Variants in CDC23 observed in about 807,000 individuals in gnomAD.
The protein encoded by CDC23 is cell division cycle 23.
Under a neutral mutation model 81.7 loss-of-function variants are expected in CDC23, and 26 were observed. The ratio of observed to expected loss-of-function variants is 0.32; its 90% confidence interval spans 0.23 to 0.44. The LOEUF (loss-of-function observed/expected upper bound fraction) is 0.44. Ranked by LOEUF, CDC23 falls within the 20% of genes least tolerant of loss-of-function variation. CDC23 has a pLI of 1.00. For missense variants in CDC23, 519 were observed against 728.0 expected, an observed-to-expected ratio of 0.71 and a Z score of 3.30; for synonymous variants, 267 against 270.8, an observed-to-expected ratio of 0.99 and a Z score of 0.14.
At chr5:138,195,694 T>C (rs1754887027) in intron 9 of CDC23, among the ~76,000 whole-genome samples, 1 of 110,316 alleles carries the variant, frequency 9.1e-6, no homozygotes, top group Non-Finnish European at 1.8e-5. Flanking sequence ...ACATATAATA[T>C]ATATGCATAT....
intron 9 of CDC23, among the ~76,000 whole-genome samples, chr5:138,197,932 TTGAG>T (rs551201825): frequency 8.5e-4 from 130 of 152,306 alleles, no homozygotes; most frequent in Admixed American, 7.7e-3. Context: ...TTTTGTATTA[TTGAG>T]TTTTTGTTTG....
At chr5:138,189,952 A>G (rs1404636986) in intron 13 of CDC23, 46 bp from the exon 14 acceptor site, 1 of 1,548,100 alleles carries the variant, frequency 6.5e-7, no homozygotes, top group African/African-American at 1.4e-5. Context: ...TCCCAAAGCA[A>G]CTTAGTGATA....
At chr5:138,212,112 G>A (rs773806209) in intron 2 of CDC23, among the ~76,000 whole-genome samples, 2 of 152,076 alleles carry the variant, frequency 1.3e-5, no homozygotes, top group African/African-American at 2.4e-5. Context: ...ACTTCTAAGC[G>A]GTCTATATTA....
chr5:138,195,581 A>ATATATAATATAT (rs1376128553), intron 9 of CDC23, among the ~76,000 whole-genome samples: 2 of 68,546 alleles, frequency 2.9e-5, no homozygotes, highest in Non-Finnish European at 6.2e-5. Flanking sequence ...TATATAATAT[A>ATATATAATATAT]TTATATATAA....
At chr5:138,204,193 C>T (rs977122337) in intron 3 of CDC23, among the ~76,000 whole-genome samples, 2 of 152,080 alleles carry the variant, frequency 1.3e-5, no homozygotes, top group Non-Finnish European at 2.9e-5. Context: ...TTAATGTTCA[C>T]AATAGGCAAA....
At chr5:138,203,751 A>C (rs1234919927) in intron 3 of CDC23, among the ~76,000 whole-genome samples, 1 of 151,954 alleles carries the variant, frequency 6.6e-6, no homozygotes, top group Non-Finnish European at 1.5e-5. Context: ...GTCCCTACTA[A>C]AAAATACAAA....
At position 138,188,222 on chromosome 5, in the gene CDC23, C is replaced by T. The variant is rs1328775347; in HGVS notation, c.*756G>A. The stretch of plus-strand genomic sequence containing the variant: ...ATCACCAATGTTATTTCCAAATGTC[C>T]GTGAAATTATCTATAATCCTATCTC... On this transcript the variant is annotated 3_prime_UTR_variant, in exon 16 of 16. Transcript: ENST00000394886. The T allele has an allele frequency of 2.0e-5, 3 of 152,096 alleles. No homozygotes were observed. Among genetic ancestry groups the T allele is most frequent in the Non-Finnish European group, 2.9e-5 (2 of 68,020 alleles). 9.4% of individuals were successfully genotyped at this position (152,096 alleles called of 1,614,324 possible). A position where few individuals can be genotyped will look rare whatever the true frequency, so the allele number is the denominator to read the frequency against.
At chr5:138,197,018 G>C (rs1754920361) in intron 9 of CDC23, among the ~76,000 whole-genome samples, 1 of 147,340 alleles carries the variant, frequency 6.8e-6, no homozygotes, top group East Asian at 2.0e-4. Flanking sequence ...AAGTCACTAA[G>C]ACTACTGAAG....
chr5:138,189,049 C>G lies in CDC23; in HGVS notation c.1723G>C (p.Ala575Pro). Residue 575 changes from alanine (A) to proline (P), a missense_variant, in exon 16 of 16, where the codon GCT becomes CCT. By Grantham distance (27) the Ala-to-Pro change is conservative. This residue lies in a region of CDC23 where 38 missense variants were observed against 34.7 expected (regional missense o/e 1.10). Coordinates refer to ENST00000394886, the MANE Select transcript of CDC23 (RefSeq NM_004661.4). ...GGGGTATTGTTAGCAGAGAGTGAAG[C>G]AGGTAGGAAAAAGGGAGCAGGCACC... ...TEVPAPFFLP[A>P]SLSANNTPTR... The G allele has an allele frequency of 6.2e-7, 1 of 1,614,002 alleles. No homozygotes were observed. Among genetic ancestry groups the G allele is most frequent in the East Asian group, 2.2e-5 (1 of 44,868 alleles).
At chr5:138,203,099 T>C (rs1419306994) in intron 3 of CDC23, among the ~76,000 whole-genome samples, 1 of 150,602 alleles carries the variant, frequency 6.6e-6, no homozygotes, top group African/African-American at 2.4e-5. Context: ...ATATCCAAAA[T>C]GAAGAATGTT....
intron 2 of CDC23, among the ~76,000 whole-genome samples, chr5:138,208,946 C>T (rs935833537): frequency 6.6e-5 from 10 of 152,102 alleles, no homozygotes; most frequent in Non-Finnish European, 1.0e-4. Flanking sequence ...TGCGTGCCAC[C>T]GCACCACCAT....
rs1754882930 is a variant in CDC23 at position 138,195,599 on chromosome 5, T to TATATATATATA, written c.1012+2599_1012+2600insTATATATATAT. 7.8e-5 allele frequency among the ~76,000 whole-genome samples: 6 copies of TATATATATATA among 77,416 alleles called. No homozygotes were observed. The Middle Eastern group carries it at 0.017, about 225-fold the overall frequency. 50.8% of individuals were successfully genotyped at this position (77,416 alleles called of 152,430 possible). On this transcript the variant is annotated intron_variant, in intron 9 of 15. Transcript: ENST00000394886. Reference sequence around the variant, plus strand: ...ATAATATATTATATATAATATATATTATATATGATATATTTATATATAAAT... The same window carrying TATATATATATA: ...ATAATATATTATATATAATATATATTATATATATATAATATATGATATATTTATATATAAAT...
At chr5:138,195,589 T>TG (rs1561633962) in intron 9 of CDC23, among the ~76,000 whole-genome samples, 4 of 96,632 alleles carry the variant, frequency 4.1e-5, no homozygotes, top group African/African-American at 7.8e-5. Flanking sequence ...ATATTATATA[T>TG]AATATATATT....
chr5:138,202,220 C>T, intron 3 of CDC23, 65 bp from the exon 4 acceptor site: 2 of 1,252,444 alleles, frequency 1.6e-6, no homozygotes, highest in East Asian at 4.7e-5. Context: ...TTAAAACTAG[C>T]ATCCTGATCC....
At chr5:138,204,490 G>C in intron 3 of CDC23, among the ~76,000 whole-genome samples, 1 of 129,396 alleles carries the variant, frequency 7.7e-6, no homozygotes, top group South Asian at 2.6e-4. Flanking sequence ...GGGTGACAGA[G>C]AAAGACTCCA....
intron 15 of CDC23, 47 bp downstream of exon 15, chr5:138,189,586 T>A (rs1237085577): frequency 1.3e-6 from 2 of 1,576,114 alleles, no homozygotes; most frequent in Admixed American, 1.8e-5. Flanking sequence ...AAATATCTTA[T>A]GTTCTAGCCT....
At position 138,212,961 on chromosome 5, in the gene CDC23, G is replaced by A. The variant is rs370243091; in HGVS notation, c.234+30C>T. ...TCTTGAGGCACACCCCTGGGTTGATGGGGAGCGCTCACTGTAAACATGTCC... is the reference window on the plus strand; with the variant it reads ...TCTTGAGGCACACCCCTGGGTTGATAGGGAGCGCTCACTGTAAACATGTCC... On this transcript the variant is annotated intron_variant, in intron 2 of 15. Coordinates refer to ENST00000394886, the MANE Select transcript of CDC23 (RefSeq NM_004661.4). 3.3e-3 allele frequency: 5,238 copies of A among 1,594,990 alleles called. 96 individuals carry two copies. In the South Asian group the frequency reaches 0.037, roughly 11 times the overall value.
In CDC23 at chr5:138,198,764, G is replaced by C. The variant is rs199677912; in HGVS notation, c.673C>G (p.Pro225Ala). ...AAAAACTCTTTCATCCAGGTGTCTG[G>C]CAAAGACAGGAACTTCAGCTGGCAG... ...DKEMLKFLSL[P>A]DTWMKEFFLA... The change falls in exon 7 of 16, where the codon CCA (proline) becomes GCA (alanine). Residue 225 changes from proline to alanine, a missense_variant. Physicochemically the swap from Pro to Ala is conservative, Grantham distance 27. This residue lies in a region of CDC23 where 180 missense variants were observed against 239.3 expected (regional missense o/e 0.75). Transcript: ENST00000394886. 2.1e-4 allele frequency: 336 copies of C among 1,613,716 alleles called. 1 individual carries two copies. Among genetic ancestry groups the C allele is most frequent in the Non-Finnish European group, 2.7e-4 (314 of 1,179,942 alleles).
intron 2 of CDC23, among the ~76,000 whole-genome samples, chr5:138,207,176 G>A (rs947352878): frequency 7.9e-5 from 12 of 151,886 alleles, no homozygotes; most frequent in East Asian, 1.9e-4. Flanking sequence ...GACCGCACCC[G>A]GCCAAGTTTT....
Sources: gnomAD v4.1 joint callset for allele counts (sites outside exome capture counted in the v4.1 genomes callset) on GRCh38, gnomAD v4.1.1 for gene constraint, gnomAD v4.1.1 regional missense constraint, MANE v1.5 for transcripts, NCBI Gene and HGNC (gene_info 2026-07-23, HGNC 2026-07-21) for gene names.